Variants in TRNT1 observed in about 807,000 individuals in gnomAD.
TRNT1 encodes CCA tRNA nucleotidyltransferase 1, mitochondrial.
TRNT1 carries 44 observed loss-of-function variants against 45.6 expected under a neutral mutation model. The ratio of observed to expected loss-of-function variants is 0.97; its 90% CI spans 0.76 to 1.24. The LOEUF is 1.24. Among genes scored for constraint, TRNT1 ranks in the 50% most tolerant of loss-of-function variants. The pLI is 0.00. For missense variants in TRNT1, 633 were observed against 504.4 expected, an observed-to-expected ratio of 1.25 and a Z score of -2.44; for synonymous variants, 201 against 171.4, an observed-to-expected ratio of 1.17 and a Z score of -1.35.
At chr3:3,139,079 A>G (rs550775231) in intron 3 of TRNT1, among the ~76,000 whole-genome samples, 3 of 152,218 alleles carry the variant, frequency 2.0e-5, no homozygotes, top group African/African-American at 7.2e-5. Flanking sequence ...GGTCATGTTA[A>G]TTTTCACTTG....
downstream of TRNT1, chr3:3,150,792 G>A: frequency 1.4e-6 from 2 of 1,418,680 alleles, no homozygotes; most frequent in Non-Finnish European, 2.0e-6. Flanking sequence ...GTATGTATCA[G>A]AGGCAATAAT....
intron 2 of TRNT1, chr3:3,131,282 C>T (rs1465291182): frequency 1.3e-5 from 2 of 152,020 alleles, no homozygotes; most frequent in African/African-American, 2.4e-5. Flanking sequence ...TGTGTATGCC[C>T]TTCACAGCCC....
Position 3,147,619 on chromosome 3 carries a change from A to G in TRNT1, c.972A>G (p.Leu324=). 1 of 1,613,904 alleles carries G rather than the reference A, an allele frequency of 6.2e-7. No homozygotes were observed. Among genetic ancestry groups the G allele is most frequent in the Non-Finnish European group, 8.5e-7 (1 of 1,179,820 alleles). ...KIAKEEKNLG[L]FIVKNRKDLI... is the part of the protein sequence containing the mutation. The stretch of plus-strand genomic sequence containing the variant: ...CAAAAGAGGAGAAAAACCTTGGCTT[A>G]TTTATAGTTAAAAATAGGAAAGATT... Residue 324 remains leucine (L), a synonymous_variant, in exon 7 of 8, where the codon TTA becomes TTG. Coordinates refer to ENST00000251607, the MANE Select transcript of TRNT1 (RefSeq NM_182916.3).
rs116496432 is a variant in TRNT1, at chr3:3,136,018, G to T, written c.149-1242G>T. On this transcript the variant is annotated intron_variant, in intron 2 of 7. Transcript: ENST00000251607. ...GGTTAGATGCTCTCAGGAAGCAGAA[G>T]TAATTCTGTGATTGGGTGTCTTAAT... Among the ~76,000 whole-genome samples the T allele has an allele frequency of 2.9e-3, 439 of 152,304 alleles. 3 individuals are homozygous for T. The highest frequency in any genetic ancestry group is 9.7e-3 in the African/African-American group (405 of 41,552).
chr3:3,150,955 T>C, downstream of TRNT1: 1 of 1,614,034 alleles, frequency 6.2e-7, no homozygotes, highest in Non-Finnish European at 8.5e-7. Context: ...AGCCCCAAAA[T>C]TTTTGAGGTG....
intron 2 of TRNT1, among the ~76,000 whole-genome samples, chr3:3,133,719 C>T (rs1211566945): frequency 1.3e-5 from 2 of 152,024 alleles, no homozygotes; most frequent in East Asian, 1.9e-4. Flanking sequence ...TGTTATGTGA[C>T]GTCAGAAGGC....
In TRNT1 at chr3:3,140,593, T is replaced by C; in HGVS notation, c.426T>C (p.Thr142=). The change falls in exon 4 of 8, where the codon ACT becomes ACC. Residue 142 remains threonine, a synonymous_variant. Coordinates refer to ENST00000251607, the MANE Select transcript of TRNT1 (RefSeq NM_182916.3). ...GACATGCTGAGGTAGAATTTACAAC[T>C]GACTGGCAGAAAGATGCGGAACGCA... ...DGRHAEVEFT[T]DWQKDAERRD... 6.2e-7 allele frequency: 1 copy of C among 1,614,180 alleles called. No homozygotes were observed. Among genetic ancestry groups the C allele is most frequent in the Non-Finnish European group, 8.5e-7 (1 of 1,180,008 alleles).
intron 1 of TRNT1, among the ~76,000 whole-genome samples, chr3:3,128,532 G>A (rs1429614867): frequency 6.8e-6 from 1 of 146,034 alleles, no homozygotes; most frequent in African/African-American, 2.5e-5. Context: ...CCAGGAGGCA[G>A]GGGTTGCAGT....
At chr3:3,139,843 C>G (rs1705537665) in intron 3 of TRNT1, among the ~76,000 whole-genome samples, 1 of 152,198 alleles carries the variant, frequency 6.6e-6, no homozygotes, top group Admixed American at 6.5e-5. Context: ...CCTCCCACCT[C>G]AGCCTCCCAG....
chr3:3,127,253 T>C (rs559273941), intron 1 of TRNT1: 2 of 152,386 alleles, frequency 1.3e-5, no homozygotes, highest in Non-Finnish European at 2.9e-5. Context: ...CGAGACGCTT[T>C]TTCACTGGGC....
intron 1 of TRNT1, 106 bp from the exon 2 acceptor site, chr3:3,128,908 A>C: frequency 1.2e-6 from 1 of 861,886 alleles, no homozygotes; most frequent in Non-Finnish European, 1.8e-6. Context: ...CATCTGAACA[A>C]GAGATGAATT....
Position 3,129,791 on chromosome 3 carries a change from A to T in TRNT1, c.148+603A>T, listed in dbSNP as rs1188255870. ...TGACCTGTTACGTGAAAAAGGAAAC[A>T]GATTGTTAGGCATGTGAAGTGCTTT... On this transcript the variant is annotated intron_variant, in intron 2 of 7. Transcript: ENST00000251607. 16 of 1,351,466 alleles carry T rather than the reference A, an allele frequency of 1.2e-5. No individual in the cohort carries two copies. In the East Asian group the frequency reaches 3.5e-4, roughly 30 times the overall value. 83.7% of individuals were successfully genotyped at this position (1,351,466 alleles called of 1,614,324 possible). A position where few individuals can be genotyped will look rare whatever the true frequency, so the allele number is the denominator to read the frequency against.
chr3:3,148,503 G>A lies in TRNT1; in HGVS notation c.*349G>A, dbSNP rs184877192. The stretch of plus-strand genomic sequence containing the variant: ...GTGGTAACTGTCTTGAAGAAAAAAC[G>A]TTTATTGTTTGTTTGCAATTGAAAT... On this transcript the variant is annotated 3_prime_UTR_variant, in exon 8 of 8. Coordinates refer to ENST00000251607, the MANE Select transcript of TRNT1 (RefSeq NM_182916.3). 4.4e-5 allele frequency: 7 copies of A among 160,846 alleles called. No homozygotes were observed. Among genetic ancestry groups the A allele is most frequent in the South Asian group, 1.9e-4 (1 of 5,200 alleles). The allele number at this position is 160,846 out of a possible 1,614,324, so 10.0% of individuals were successfully genotyped here.
At chr3:3,144,295 T>C (rs1191107914) in intron 4 of TRNT1, among the ~76,000 whole-genome samples, 5 of 152,236 alleles carry the variant, frequency 3.3e-5, no homozygotes, top group Non-Finnish European at 1.5e-5. Context: ...TTAGCTTGTA[T>C]GGTGTCTTGT....
chr3:3,150,603 T>G (rs1359654177), downstream of TRNT1: 1 of 380,598 alleles, frequency 2.6e-6, no homozygotes, highest in East Asian at 5.5e-5. Flanking sequence ...ACCAGACATA[T>G]CAGATTCCAC....
intron 2 of TRNT1, among the ~76,000 whole-genome samples, chr3:3,134,424 A>G (rs1274668415): frequency 6.6e-6 from 1 of 151,484 alleles, no homozygotes; most frequent in Non-Finnish European, 1.5e-5. Context: ...GTTTAATAAC[A>G]TAGGCTAATC....
downstream of TRNT1, among the ~76,000 whole-genome samples, chr3:3,151,327 G>A (rs539911839): frequency 2.6e-5 from 4 of 152,242 alleles, no homozygotes; most frequent in South Asian, 2.1e-4. Flanking sequence ...AGAAATTGCT[G>A]GTTGCCAAGA....
At chr3:3,147,782 C>G (rs1706148971) in intron 7 of TRNT1, 79 bp downstream of exon 7, 1 of 1,523,332 alleles carries the variant, frequency 6.6e-7, no homozygotes, top group African/African-American at 1.4e-5. Context: ...CTAAGATCTA[C>G]AAATCTGTGA....
chr3:3,144,538 C>A (rs375025398), intron 4 of TRNT1, 46 bp from the exon 5 acceptor site: 201 of 1,535,610 alleles, frequency 1.3e-4, no homozygotes, highest in Non-Finnish European at 1.7e-4. Context: ...TTTTCAAATT[C>A]TTATTTGCCA....
Sources: gnomAD v4.1 joint callset for allele counts (sites outside exome capture counted in the v4.1 genomes callset) on GRCh38, gnomAD v4.1.1 for gene constraint, MANE v1.5 for transcripts, NCBI Gene and HGNC (gene_info 2026-07-23, HGNC 2026-07-21) for gene names.